Variants in PCDH11X observed in about 807,000 individuals in gnomAD.
PCDH11X encodes the protein protocadherin 11 X-linked, also known as protocadherin-11 X-linked.
A neutral mutation model predicts 53.3 loss-of-function variants in PCDH11X; 18 were observed. The observed-to-expected ratio is 0.34, with a 90% CI of 0.23 to 0.50. PCDH11X has a LOEUF of 0.50. Among genes scored for constraint, PCDH11X ranks in the 20% least tolerant of loss-of-function variants. The pLI is 0.98. For synonymous variants in PCDH11X, 279 were observed against 393.3 expected, an observed-to-expected ratio of 0.71 and a Z score of 3.44; for missense variants, 570 against 1,032.4, an observed-to-expected ratio of 0.55 and a Z score of 6.14.
At chrX:91,808,497 GAAAAA>G (rs59633527) in intron 1 of PCDH11X, among the ~76,000 whole-genome samples, 1 of 96,335 alleles carries the variant, frequency 1.0e-5, no homozygotes, top group African/African-American at 3.8e-5. Flanking sequence ...TCTGTCTCAA[GAAAAA>G]AAAAAAAGAG....
intron 6 of PCDH11X, chrX:91,883,682 G>A: frequency 2.0e-6 from 1 of 506,796 alleles, no homozygotes; most frequent in East Asian, 1.8e-4. Flanking sequence ...GCGGGCGCCT[G>A]TAGTCCCAGC....
At chrX:92,341,441 A>C in intron 8 of PCDH11X, among the ~76,000 whole-genome samples, 1 of 111,751 alleles carries the variant, frequency 8.9e-6, no homozygotes, top group Non-Finnish European at 1.9e-5. Context: ...AATACCAGAG[A>C]CTGGGTAATT....
chrX:92,318,660 C>T (rs922670497), intron 8 of PCDH11X, among the ~76,000 whole-genome samples: 1 of 111,404 alleles, frequency 9.0e-6, no homozygotes, highest in African/African-American at 3.3e-5. Context: ...AGCACCTTAG[C>T]CTGGGAATAG....
intron 10 of PCDH11X, among the ~76,000 whole-genome samples, chrX:92,531,496 C>A (rs1242750161): frequency 9.1e-6 from 1 of 110,466 alleles, no homozygotes; most frequent in African/African-American, 3.3e-5. Context: ...ATCTTATTTG[C>A]TATTAACAAT....
intron 8 of PCDH11X, among the ~76,000 whole-genome samples, chrX:92,305,550 A>G (rs185864456): frequency 9.0e-5 from 10 of 110,839 alleles, no homozygotes; most frequent in Non-Finnish European, 1.9e-4. Context: ...TTATGATTCC[A>G]TTTAACCTTA....
intron 6 of PCDH11X, among the ~76,000 whole-genome samples, chrX:91,968,902 C>T (rs2061904799): frequency 9.0e-6 from 1 of 111,484 alleles, no homozygotes; most frequent in African/African-American, 3.3e-5. Flanking sequence ...TGTTGGTAGA[C>T]GTCAATTCAA....
intron 8 of PCDH11X, among the ~76,000 whole-genome samples, chrX:92,351,555 A>G (rs1447221888): frequency 9.0e-6 from 1 of 111,614 alleles, no homozygotes; most frequent in Non-Finnish European, 1.9e-5. Flanking sequence ...GTGTAATAAT[A>G]ATTATATTAT....
At chrX:92,102,455 GA>G (rs1270933165) in intron 6 of PCDH11X, among the ~76,000 whole-genome samples, 49 of 109,899 alleles carry the variant, frequency 4.5e-4, no homozygotes, top group African/African-American at 1.6e-3. Context: ...GGAAGGAAAG[GA>G]GTTGTTGTTT....
intron 10 of PCDH11X, among the ~76,000 whole-genome samples, chrX:92,596,959 C>T (rs1403000337): frequency 9.0e-6 from 1 of 111,361 alleles, no homozygotes; most frequent in African/African-American, 3.3e-5. Context: ...ATGATTATTT[C>T]AATTGAAGTC....
rs61229769 is a variant in PCDH11X at position 91,820,710 on chromosome X, C to A, written c.-45+9415C>A. Among the ~76,000 whole-genome samples the A allele has an allele frequency of 6.2e-3, 595 of 95,910 alleles. 6 individuals carry two copies. The highest frequency in any genetic ancestry group is 0.033 in the African/African-American group (541 of 16,495). 83.3% of individuals were successfully genotyped at this position (95,910 alleles called of 115,157 possible). A position where few individuals can be genotyped will look rare whatever the true frequency, so the allele number is the denominator to read the frequency against. ...CATTTGTCAATTTTGTCTTTTGTTGCCATTGCTTTTGGTGTTTTAGACATG... is the reference window on the plus strand; with the variant it reads ...CATTTGTCAATTTTGTCTTTTGTTGACATTGCTTTTGGTGTTTTAGACATG... On this transcript the variant is annotated intron_variant, in intron 4 of 10. Coordinates refer to ENST00000682573, the MANE Select transcript of PCDH11X (RefSeq NM_032968.5).
intron 8 of PCDH11X, among the ~76,000 whole-genome samples, chrX:92,346,824 C>T (rs1042574439): frequency 1.3e-4 from 15 of 111,424 alleles, no homozygotes; most frequent in African/African-American, 4.2e-4. Context: ...GTCATGGTCT[C>T]CAATATGTAT....
chrX:92,471,480 A>G (rs1394570784), intron 10 of PCDH11X, among the ~76,000 whole-genome samples: 1 of 106,855 alleles, frequency 9.4e-6, no homozygotes, highest in Non-Finnish European at 1.9e-5. Flanking sequence ...CATGGTGTAT[A>G]TGTACCACAT....
intron 6 of PCDH11X, among the ~76,000 whole-genome samples, chrX:92,010,550 A>G (rs1260305974): frequency 1.8e-5 from 2 of 110,829 alleles, no homozygotes; most frequent in African/African-American, 3.3e-5. Context: ...GAGTTCTTTC[A>G]TTACCTCATT....
At chrX:92,517,015 G>A in intron 10 of PCDH11X, among the ~76,000 whole-genome samples, 1 of 112,220 alleles carries the variant, frequency 8.9e-6, no homozygotes, top group Non-Finnish European at 1.9e-5. Context: ...AAGATTGTGA[G>A]AACGTAAGCC....
chrX:92,461,063 T>A, intron 9 of PCDH11X: 1 of 450,462 alleles, frequency 2.2e-6, no homozygotes, highest in East Asian at 3.7e-5. Flanking sequence ...TGAAAGAAAT[T>A]GAGGCAGATA....
At chrX:91,841,492 T>C in intron 5 of PCDH11X, among the ~76,000 whole-genome samples, 1 of 111,802 alleles carries the variant, frequency 8.9e-6, no homozygotes, top group Non-Finnish European at 1.9e-5. Flanking sequence ...CTAAATTTTA[T>C]GTTATTAGAT....
intron 10 of PCDH11X, among the ~76,000 whole-genome samples, chrX:92,563,047 G>A (rs1264974160): frequency 4.6e-5 from 2 of 43,873 alleles, no homozygotes; most frequent in Non-Finnish European, 7.5e-5. Context: ...CCTTGGTACC[G>A]TTTTTTTTTT....
chrX:92,113,969 T>A, intron 6 of PCDH11X: 1 of 1,208,727 alleles, frequency 8.3e-7, no homozygotes, highest in Non-Finnish European at 1.1e-6. Context: ...CGGTTAAGCA[T>A]ATCAAACACA....
chrX:92,264,165 C>T (rs1423773831), intron 8 of PCDH11X, among the ~76,000 whole-genome samples: 2 of 112,168 alleles, frequency 1.8e-5, no homozygotes, highest in Non-Finnish European at 3.8e-5. Context: ...ATCTGTTCAC[C>T]TTGGATGTCT....
Sources: allele counts gnomAD v4.1 joint callset (sites outside exome capture counted in the v4.1 genomes callset), GRCh38; gene constraint gnomAD v4.1.1; transcripts MANE v1.5; gene names NCBI Gene and HGNC (gene_info 2026-07-23, HGNC 2026-07-21).